The following CACNA2D2 variants were observed in gnomAD, a reference collection of about 807,000 sequenced individuals.
CACNA2D2 encodes calcium voltage-gated channel auxiliary subunit alpha2delta 2.
In CACNA2D2, 48 loss-of-function variants were observed where a neutral mutation model predicts 166.4. That is an observed-to-expected ratio of 0.29 (90% CI 0.23 to 0.37). CACNA2D2 has a LOEUF of 0.37. Ranked by LOEUF, CACNA2D2 falls within the 10% of genes least tolerant of loss-of-function variation. The pLI is 1.00. For synonymous variants in CACNA2D2, 561 were observed against 573.7 expected (o/e 0.98, Z 0.32); for missense variants, 1,122 against 1,433.0 (o/e 0.78, Z 3.50).
rs1220102882 is a variant in CACNA2D2 at position 50,376,714 on chromosome 3, G to A, written c.1627-526C>T. 6.6e-6 allele frequency among the ~76,000 whole-genome samples: 1 copy of A among 152,082 alleles called. No individual in the cohort carries two copies. The highest frequency in any genetic ancestry group is 2.4e-5 in the African/African-American group (1 of 41,392). ...CCCAGTCAGTTTCTTACTGTACCTG[G>A]AGGCCAACTGCCACAGCCCCTGCCC... On this transcript the variant is annotated intron_variant, in intron 17 of 37. Coordinates refer to ENST00000424201, the MANE Select transcript of CACNA2D2 (RefSeq NM_006030.4). This position sits in a 1 kb window ranked among gnomAD's most constrained non-coding sequence, Gnocchi z 4.3.
chr3:50,421,714 GCACCTGGAGCCAAGGGT>G (rs1405248222), intron 3 of CACNA2D2, among the ~76,000 whole-genome samples: 1 of 152,158 alleles, frequency 6.6e-6, no homozygotes, highest in African/African-American at 2.4e-5. Context: ...GAGGCCTCCA[GCACCTGGAGCCAAGGGT>G]CCAAGGTGCA....
chr3:50,452,053 C>T (rs1709126534), intron 2 of CACNA2D2, among the ~76,000 whole-genome samples: 1 of 152,108 alleles, frequency 6.6e-6, no homozygotes, highest in African/African-American at 2.4e-5. Context: ...AAGGGTGTTG[C>T]CTGCTGACTC....
Position 50,380,320 on chromosome 3 carries a change from G to A in CACNA2D2, c.843-302C>T, listed in dbSNP as rs1245143896. On this transcript the variant is annotated intron_variant, in intron 8 of 37. Transcript: ENST00000424201. This position sits in a 1 kb window ranked among gnomAD's most constrained non-coding sequence, Gnocchi z 4.9. ...CTTGTTGTGTCCTCTGCCTCAGGTT[G>A]GGGCCCCGAGGGCACAGTCTAGCTG... is the stretch of plus-strand genomic sequence containing the variant. 3.3e-5 allele frequency among the ~76,000 whole-genome samples: 5 copies of A among 152,208 alleles called. No homozygotes were observed. Among genetic ancestry groups the A allele is most frequent in the Non-Finnish European group, 7.3e-5 (5 of 68,042 alleles).
intron 3 of CACNA2D2, among the ~76,000 whole-genome samples, chr3:50,421,211 C>G (rs1047705467): frequency 1.3e-5 from 2 of 152,222 alleles, no homozygotes; most frequent in African/African-American, 4.8e-5. Context: ...AAAAGAAAAA[C>G]GTGGAGGGGG....
intron 1 of CACNA2D2, among the ~76,000 whole-genome samples, chr3:50,488,368 T>TTTCA (rs1158416719): frequency 2.0e-4 from 31 of 152,152 alleles, no homozygotes; most frequent in East Asian, 3.9e-4. Context: ...CAGGAGCTGA[T>TTTCA]TTCATTCATT....
intron 5 of CACNA2D2, among the ~76,000 whole-genome samples, chr3:50,385,845 G>A (rs1010494262): frequency 6.6e-6 from 1 of 152,208 alleles, no homozygotes; most frequent in Non-Finnish European, 1.5e-5. Context: ...GAAAGCCCCC[G>A]AAATGTCAGC....
At chr3:50,494,580 T>G (rs1030889476) in intron 1 of CACNA2D2, among the ~76,000 whole-genome samples, 1 of 152,080 alleles carries the variant, frequency 6.6e-6, no homozygotes, top group Non-Finnish European at 1.5e-5. Flanking sequence ...ACCCAAGGAG[T>G]TGGGGCCTCA....
intron 2 of CACNA2D2, among the ~76,000 whole-genome samples, chr3:50,459,197 G>T (rs1709492364): frequency 6.6e-6 from 1 of 152,192 alleles, no homozygotes; most frequent in Non-Finnish European, 1.5e-5. Flanking sequence ...AAGAATATTT[G>T]ATAAAAGGGA....
intron 2 of CACNA2D2, among the ~76,000 whole-genome samples, chr3:50,462,245 C>A (rs1367041998): frequency 6.6e-6 from 1 of 151,948 alleles, no homozygotes; most frequent in Non-Finnish European, 1.5e-5. Context: ...AAAAACGAGG[C>A]AGGTGTGGTG....
intron 1 of CACNA2D2, among the ~76,000 whole-genome samples, chr3:50,487,723 C>A (rs41499647): frequency 6.6e-6 from 1 of 152,038 alleles, no homozygotes; most frequent in African/African-American, 2.4e-5. Context: ...CCTGGTGAGC[C>A]TCATGATTGG....
intron 3 of CACNA2D2, among the ~76,000 whole-genome samples, chr3:50,431,153 TG>T (rs1007208916): frequency 1.3e-5 from 2 of 152,066 alleles, no homozygotes; most frequent in Non-Finnish European, 2.9e-5. Flanking sequence ...AACAATGTAG[TG>T]GGGGGTGGGG....
chr3:50,495,508 A>G (rs1698689654), intron 1 of CACNA2D2, among the ~76,000 whole-genome samples: 2 of 152,190 alleles, frequency 1.3e-5, no homozygotes. Flanking sequence ...ATTTATGAAG[A>G]CTCAGTAGAC....
intron 3 of CACNA2D2, among the ~76,000 whole-genome samples, chr3:50,420,506 G>A (rs1002518776): frequency 4.6e-5 from 7 of 152,154 alleles, no homozygotes; most frequent in African/African-American, 1.7e-4. Flanking sequence ...GCTTGGTCAG[G>A]GCCAAGGCTT....
chr3:50,419,928 C>T (rs951574018), intron 3 of CACNA2D2: 29 of 152,424 alleles, frequency 1.9e-4, no homozygotes, highest in African/African-American at 6.5e-4. Flanking sequence ...GAAATGCCTC[C>T]CCTGGCATGA....
intron 22 of CACNA2D2, among the ~76,000 whole-genome samples, chr3:50,372,401 C>A (rs1704700288): frequency 6.6e-6 from 1 of 152,224 alleles, no homozygotes; most frequent in South Asian, 2.1e-4. Flanking sequence ...CTGGAAGCAG[C>A]GGGCCGGCAG....
chr3:50,374,836 C>T (rs377394876), intron 21 of CACNA2D2, 23 bp from the exon 22 acceptor site: 11 of 1,566,392 alleles, frequency 7.0e-6, no homozygotes, highest in Middle Eastern at 3.4e-4. Flanking sequence ...AAGCTCGGGT[C>T]ACGGCTGGGG....
At position 50,380,715 on chromosome 3, in the gene CACNA2D2, G is replaced by A. The variant is rs749503806; in HGVS notation, c.842+33C>T. 4 of 1,466,186 alleles carry A rather than the reference G, an allele frequency of 2.7e-6. No homozygotes were observed. Among genetic ancestry groups the A allele is most frequent in the Non-Finnish European group, 3.6e-6 (4 of 1,101,266 alleles). The allele number at this position is 1,466,186 out of a possible 1,614,324, so 90.8% of individuals were successfully genotyped here. A position where few individuals can be genotyped will look rare whatever the true frequency, so the allele number is the denominator to read the frequency against. On this transcript the variant is annotated intron_variant, in intron 8 of 37. Coordinates refer to ENST00000424201, the MANE Select transcript of CACNA2D2 (RefSeq NM_006030.4). The surrounding 1 kb of genome is among the most constrained non-coding windows in gnomAD (Gnocchi z 4.9). ...GCAGGAAAGGTGGGGAACTGAGGGGGTGTCCCTCCCCAGCCCCTTCTTGCT... is the reference window on the plus strand; with the variant it reads ...GCAGGAAAGGTGGGGAACTGAGGGGATGTCCCTCCCCAGCCCCTTCTTGCT...
chr3:50,479,981 A>T (rs1190443077), intron 1 of CACNA2D2, among the ~76,000 whole-genome samples: 1 of 152,142 alleles, frequency 6.6e-6, no homozygotes, highest in African/African-American at 2.4e-5. Flanking sequence ...CCAGGAGGAG[A>T]TGTAGGCATC....
chr3:50,463,448 G>A lies in CACNA2D2; in HGVS notation c.288+12670C>T, dbSNP rs149496098. On this transcript the variant is annotated intron_variant, in intron 2 of 37. Coordinates refer to ENST00000424201, the MANE Select transcript of CACNA2D2 (RefSeq NM_006030.4). ...CCAGTGGCTGGGACCACAGGTGCAC[G>A]CCACCACGCCCAGCTGATTTTTGTA... Among the ~76,000 whole-genome samples, 167 of 152,272 alleles carry A rather than the reference G, an allele frequency of 1.1e-3. 1 individual carries two copies. Among genetic ancestry groups the A allele is most frequent in the African/African-American group, 3.9e-3 (163 of 41,558 alleles).
Sources: gnomAD v4.1 joint callset for allele counts (sites outside exome capture counted in the v4.1 genomes callset) on GRCh38, gnomAD v4.1.1 for gene constraint, Gnocchi (gnomAD v3.1) non-coding constraint, MANE v1.5 for transcripts, NCBI Gene and HGNC (gene_info 2026-07-23, HGNC 2026-07-21) for gene names.